Variants in MAGI2 observed in about 807,000 individuals in gnomAD.
The protein encoded by MAGI2 is membrane-associated guanylate kinase, WW and PDZ domain-containing protein 2.
A neutral mutation model predicts 133.3 loss-of-function variants in MAGI2; 35 were observed. The ratio of observed to expected loss-of-function variants is 0.26; its 90% confidence interval spans 0.20 to 0.35. MAGI2 has a LOEUF of 0.35. Among genes scored for constraint, MAGI2 ranks in the 10% least tolerant of loss-of-function variants. The pLI is 1.00. For missense variants in MAGI2, 1,636 were observed against 1,863.4 expected, an observed-to-expected ratio of 0.88 and a Z score of 2.25; for synonymous variants, 729 against 710.6, an observed-to-expected ratio of 1.03 and a Z score of -0.41.
chr7:78,297,154 C>T (rs1402672755), intron 9 of MAGI2, among the ~76,000 whole-genome samples: 1 of 152,160 alleles, frequency 6.6e-6, no homozygotes, highest in Non-Finnish European at 1.5e-5. Flanking sequence ...AAGTGACTTC[C>T]TTCCAAAGAG....
At chr7:78,441,954 A>G (rs1341568428) in intron 6 of MAGI2, among the ~76,000 whole-genome samples, 1 of 152,090 alleles carries the variant, frequency 6.6e-6, no homozygotes, top group Admixed American at 6.6e-5. Flanking sequence ...AACCAGAGTA[A>G]TTCAGCTCTC....
chr7:78,038,404 C>T (rs370344591), intron 21 of MAGI2, among the ~76,000 whole-genome samples: 919 of 79,970 alleles, frequency 0.011, 5 homozygotes, highest in African/African-American at 0.067. Flanking sequence ...TGATGTTTTA[C>T]TTTTTAATTA....
At chr7:78,402,893 G>A (rs1211720513) in intron 6 of MAGI2, among the ~76,000 whole-genome samples, 1 of 151,930 alleles carries the variant, frequency 6.6e-6, no homozygotes, top group Non-Finnish European at 1.5e-5. Context: ...TACCATTAAA[G>A]GCAAGTTTTA....
chr7:78,175,495 T>G (rs1826506237), intron 14 of MAGI2, among the ~76,000 whole-genome samples: 1 of 152,274 alleles, frequency 6.6e-6, no homozygotes, highest in Non-Finnish European at 1.5e-5. Context: ...CTACTGTCAC[T>G]TGCTGCCTCC....
intron 9 of MAGI2, among the ~76,000 whole-genome samples, chr7:78,283,789 A>T (rs1795864954): frequency 6.6e-6 from 1 of 152,102 alleles, no homozygotes; most frequent in Non-Finnish European, 1.5e-5. Flanking sequence ...TGGCATCTGT[A>T]ATTGGCCTAA....
At chr7:78,868,936 G>T (rs535451) in intron 2 of MAGI2, among the ~76,000 whole-genome samples, 76,711 of 151,794 alleles carry the variant, frequency 0.51, 19,737 homozygotes, top group East Asian at 0.72. Context: ...TGTATTTTTA[G>T]TAGAGACGGG....
intron 2 of MAGI2, among the ~76,000 whole-genome samples, chr7:78,752,983 A>T (rs750383298): frequency 6.6e-6 from 1 of 152,252 alleles, no homozygotes; most frequent in Non-Finnish European, 1.5e-5. Context: ...GCTTTTAAAC[A>T]TGTCACTCAT....
chr7:78,771,905 C>T (rs1472211441), intron 2 of MAGI2, among the ~76,000 whole-genome samples: 3 of 152,150 alleles, frequency 2.0e-5, no homozygotes, highest in African/African-American at 4.8e-5. Context: ...TTTTTCCCTT[C>T]TCTGTTTCAG....
chr7:78,977,932 T>A (rs970727967), intron 2 of MAGI2, among the ~76,000 whole-genome samples: 4 of 151,806 alleles, frequency 2.6e-5, no homozygotes, highest in African/African-American at 9.7e-5. Flanking sequence ...ACGTTCAACA[T>A]CATTTGTCAT....
At chr7:78,517,611 C>T (rs1796148908) in intron 4 of MAGI2, among the ~76,000 whole-genome samples, 1 of 152,036 alleles carries the variant, frequency 6.6e-6, no homozygotes, top group South Asian at 2.1e-4. Flanking sequence ...AGGAGAGTGG[C>T]CATTATTATT....
rs1803715306 is a variant in MAGI2 at position 78,589,086 on chromosome 7, C to T, written c.538+38034G>A. ...CTCAAAAAGAATTGCTATTGTATTC[C>T]CAAACTCCTAGCCTATCACAGAGCT... On this transcript the variant is annotated intron_variant, in intron 3 of 21. Coordinates refer to ENST00000354212, the MANE Select transcript of MAGI2 (RefSeq NM_012301.4). Among the ~76,000 whole-genome samples, 3 of 152,082 alleles carry T rather than the reference C, an allele frequency of 2.0e-5. No individual in the cohort carries two copies. The South Asian group carries it at 6.2e-4, about 32-fold the overall frequency.
chr7:78,663,662 G>A (rs1217220720), intron 2 of MAGI2, among the ~76,000 whole-genome samples: 1 of 152,154 alleles, frequency 6.6e-6, no homozygotes, highest in South Asian at 2.1e-4. Flanking sequence ...ACCTTAGCAC[G>A]ATTACCATGT....
At chr7:78,416,378 A>G (rs1417418793) in intron 6 of MAGI2, among the ~76,000 whole-genome samples, 1 of 149,196 alleles carries the variant, frequency 6.7e-6, no homozygotes, top group Non-Finnish European at 1.5e-5. Flanking sequence ...GGTACAATTT[A>G]TGTTACATAC....
At chr7:79,018,738 G>T (rs924165899) in intron 1 of MAGI2, among the ~76,000 whole-genome samples, 4 of 152,060 alleles carry the variant, frequency 2.6e-5, no homozygotes, top group African/African-American at 7.2e-5. Flanking sequence ...AAAAAGCAGA[G>T]GTTGCTATTC....
chr7:78,270,507 T>G (rs1311069020), intron 9 of MAGI2, among the ~76,000 whole-genome samples: 1 of 152,180 alleles, frequency 6.6e-6, no homozygotes, highest in East Asian at 1.9e-4. Flanking sequence ...CCTAGGTATT[T>G]TATTATCTTT....
intron 2 of MAGI2, among the ~76,000 whole-genome samples, chr7:78,778,797 T>C (rs1384364892): frequency 2.0e-5 from 3 of 152,006 alleles, no homozygotes; most frequent in African/African-American, 2.4e-5. Context: ...GAAAATACAA[T>C]ATCTAATCTC....
intron 2 of MAGI2, among the ~76,000 whole-genome samples, chr7:78,830,987 T>C (rs1315866146): frequency 1.3e-5 from 2 of 152,294 alleles, no homozygotes; most frequent in East Asian, 3.9e-4. Context: ...GGGACTAAGA[T>C]AGGACATATA....
intron 6 of MAGI2, among the ~76,000 whole-genome samples, chr7:78,464,112 C>T (rs1214258846): frequency 6.6e-6 from 1 of 152,038 alleles, no homozygotes; most frequent in East Asian, 1.9e-4. Flanking sequence ...ATAATTATTG[C>T]TATCTTTAGC....
At chr7:79,049,091 C>G (rs1812439742) in intron 1 of MAGI2, among the ~76,000 whole-genome samples, 1 of 152,078 alleles carries the variant, frequency 6.6e-6, no homozygotes, top group Non-Finnish European at 1.5e-5. Flanking sequence ...TGCTCCACCT[C>G]TAGGGAAGTT....
Sources: allele counts gnomAD v4.1 joint callset (sites outside exome capture counted in the v4.1 genomes callset), GRCh38; gene constraint gnomAD v4.1.1; transcripts MANE v1.5; gene names NCBI Gene and HGNC (gene_info 2026-07-23, HGNC 2026-07-21).